Variants in RPTOR observed in about 807,000 individuals in gnomAD.
The protein encoded by RPTOR is regulatory-associated protein of mTOR.
RPTOR carries 21 observed loss-of-function variants against 169.9 expected under a neutral mutation model. The observed-to-expected ratio is 0.12, with a 90% CI of 0.09 to 0.18. The LOEUF is 0.18. Among genes scored for constraint, RPTOR ranks in the 10% least tolerant of loss-of-function variants. The probability of loss-of-function intolerance (pLI) is 1.00; values close to 1 mark genes in which losing one functional copy is unlikely to be tolerated. For synonymous variants in RPTOR, 732 were observed against 753.2 expected, an observed-to-expected ratio of 0.97 and a Z score of 0.46; for missense variants, 1,133 against 1,855.9, an observed-to-expected ratio of 0.61 and a Z score of 7.16.
At chr17:80,812,375 C>T (rs376470558) in intron 7 of RPTOR, among the ~76,000 whole-genome samples, 9 of 151,610 alleles carry the variant, frequency 5.9e-5, no homozygotes, top group East Asian at 1.9e-4. Context: ...AAATTGAAAA[C>T]GGAAATTGTA....
rs539512661 is a variant in RPTOR, at chr17:80,820,479, T to C, written c.891-1722T>C. 1.3e-5 allele frequency among the ~76,000 whole-genome samples: 2 copies of C among 152,270 alleles called. No homozygotes were observed. Among genetic ancestry groups the C allele is most frequent in the South Asian group, 2.1e-4 (1 of 4,822 alleles). On this transcript the variant is annotated intron_variant, in intron 7 of 33. Transcript: ENST00000306801. This position sits in a 1 kb window ranked among gnomAD's most constrained non-coding sequence, Gnocchi z 4.1. ...CGCTTGAGGGCTGAGATGAGCAACC[T>C]GGTAAAATGAGTTCCTGGATTGTTT... is the stretch of plus-strand genomic sequence containing the variant.
Position 80,730,764 on chromosome 17 carries a change from T to TTGGGGGGGGGGGG in RPTOR, c.654+58_654+59insTGGGGGGGGGGGG. 2.2e-6 allele frequency: 1 copy of TTGGGGGGGGGGGG among 453,324 alleles called. No homozygotes were observed. The highest frequency in any genetic ancestry group is 4.1e-6 in the Non-Finnish European group (1 of 242,124). 28.1% of individuals were successfully genotyped at this position (453,324 alleles called of 1,614,324 possible). On this transcript the variant is annotated intron_variant, in intron 5 of 33. Transcript: ENST00000306801. The surrounding 1 kb of genome is among the most constrained non-coding windows in gnomAD (Gnocchi z 4.2). Reference sequence around the variant, plus strand: ...GGTTTGGTTTTGTTTTCCCTGGGGGTGGGGTTTGGGTGGGGAGGTTGGGAG... The same window carrying TTGGGGGGGGGGGG: ...GGTTTGGTTTTGTTTTCCCTGGGGGTTGGGGGGGGGGGGGGGGTTTGGGTGGGGAGGTTGGGAG...
intron 28 of RPTOR, among the ~76,000 whole-genome samples, chr17:80,952,455 G>A (rs1383118263): frequency 1.3e-5 from 2 of 152,184 alleles, no homozygotes; most frequent in South Asian, 4.1e-4. Context: ...TTCTGCTGCA[G>A]GGAGCCTGCA....
intron 5 of RPTOR, among the ~76,000 whole-genome samples, chr17:80,748,708 G>A (rs1297042985): frequency 3.7e-5 from 3 of 80,910 alleles, no homozygotes; most frequent in African/African-American, 5.7e-5. Context: ...GGGAGGACCT[G>A]TTGGGTGGAT....
At chr17:80,728,214 T>A (rs1163760589) in intron 4 of RPTOR, among the ~76,000 whole-genome samples, 1 of 152,170 alleles carries the variant, frequency 6.6e-6, no homozygotes, top group East Asian at 1.9e-4. Context: ...GCAGCAGAAG[T>A]TTATATAGAC....
rs199783187 is a variant in RPTOR, at chr17:80,737,441, C to G, written c.654+6735C>G. ...CACCACCAGCCTGAGTGCTTTCCGG[C>G]AGGGGGGCGGTGGTGGAGGATCATT... On this transcript the variant is annotated intron_variant, in intron 5 of 33. Transcript: ENST00000306801. 1.4e-3 allele frequency among the ~76,000 whole-genome samples: 210 copies of G among 152,260 alleles called. 2 individuals are homozygous for G. The highest frequency in any genetic ancestry group is 6.4e-3 in the East Asian group (33 of 5,180).
chr17:80,800,427 G>A (rs995445269), intron 7 of RPTOR, among the ~76,000 whole-genome samples: 8 of 152,166 alleles, frequency 5.3e-5, no homozygotes, highest in Non-Finnish European at 8.8e-5. Context: ...GGCAAAACAC[G>A]TTGTTTAGCA....
intron 6 of RPTOR, among the ~76,000 whole-genome samples, chr17:80,777,810 G>C (rs1196977515): frequency 2.0e-5 from 3 of 152,152 alleles, no homozygotes; most frequent in African/African-American, 7.2e-5. Context: ...AGCATAGCTT[G>C]GACTTTTGGA....
intron 12 of RPTOR, among the ~76,000 whole-genome samples, chr17:80,856,625 C>G (rs2067855240): frequency 6.6e-6 from 1 of 152,190 alleles, no homozygotes; most frequent in East Asian, 1.9e-4. Context: ...GAGTCAGGGC[C>G]TGAGTCATCG....
At chr17:80,927,839 TCTC>T (rs1167208166) in intron 24 of RPTOR, among the ~76,000 whole-genome samples, 2 of 151,850 alleles carry the variant, frequency 1.3e-5, no homozygotes, top group African/African-American at 4.8e-5. Flanking sequence ...CCTGCCCTCA[TCTC>T]CTCCATTTGC....
intron 2 of RPTOR, among the ~76,000 whole-genome samples, chr17:80,630,781 G>C (rs754887683): frequency 2.6e-5 from 4 of 152,236 alleles, no homozygotes; most frequent in African/African-American, 4.8e-5. Context: ...GGTTTTCCCA[G>C]GGCTCCTGCT....
intron 3 of RPTOR, among the ~76,000 whole-genome samples, chr17:80,687,714 G>A (rs935594222): frequency 1.3e-5 from 2 of 152,210 alleles, no homozygotes; most frequent in African/African-American, 4.8e-5. Context: ...GGGCAGCACC[G>A]TGGGTGTTGA....
intron 4 of RPTOR, among the ~76,000 whole-genome samples, chr17:80,716,260 C>T (rs1170215784): frequency 1.3e-5 from 2 of 152,178 alleles, no homozygotes; most frequent in East Asian, 3.8e-4. Context: ...TATGGCCATT[C>T]TTGCAGAGGT....
chr17:80,676,447 A>C (rs186764184), intron 3 of RPTOR, among the ~76,000 whole-genome samples: 76 of 152,252 alleles, frequency 5.0e-4, no homozygotes, highest in Non-Finnish European at 8.4e-4. Flanking sequence ...AGCACCAGGC[A>C]TCAGGGCCCC....
intron 6 of RPTOR, among the ~76,000 whole-genome samples, chr17:80,758,443 G>A (rs1334969326): frequency 6.6e-6 from 1 of 152,200 alleles, no homozygotes; most frequent in African/African-American, 2.4e-5. Flanking sequence ...TGGCACAAGA[G>A]AGCCCCTGAA....
intron 6 of RPTOR, among the ~76,000 whole-genome samples, chr17:80,765,127 ATACAGGCAGCCC>A (rs141709668): frequency 0.01 from 1,560 of 152,352 alleles, 22 homozygotes; most frequent in Non-Finnish European, 0.014. Context: ...AATCTGAAAG[ATACAGGCAGCCC>A]TACGCTGTCC....
At chr17:80,611,984 T>C (rs2065275011) in intron 1 of RPTOR, among the ~76,000 whole-genome samples, 1 of 152,166 alleles carries the variant, frequency 6.6e-6, no homozygotes, top group Non-Finnish European at 1.5e-5. Flanking sequence ...AAGTTCAATC[T>C]AGAGGTTTGA....
At position 80,960,315 on chromosome 17, in the gene RPTOR, A is replaced by T. The variant is rs1016207786; in HGVS notation, c.3605+110A>T. 6.9e-7 allele frequency: 1 copy of T among 1,441,836 alleles called. No homozygotes were observed. Among genetic ancestry groups the T allele is most frequent in the African/African-American group, 1.4e-5 (1 of 71,334 alleles). The allele number at this position is 1,441,836 out of a possible 1,614,324, so 89.3% of individuals were successfully genotyped here. On this transcript the variant is annotated intron_variant, in intron 30 of 33. Coordinates refer to ENST00000306801, the MANE Select transcript of RPTOR (RefSeq NM_020761.3). This position sits in a 1 kb window ranked among gnomAD's most constrained non-coding sequence, Gnocchi z 4.8. ...GTCCAGGTTTCTCAGTGAGATGCAA[A>T]GCTTCCCCAGGAGCCTGCAGTGGCG...
intron 3 of RPTOR, among the ~76,000 whole-genome samples, chr17:80,667,083 C>T (rs563004934): frequency 3.9e-5 from 6 of 152,278 alleles, no homozygotes; most frequent in African/African-American, 7.2e-5. Context: ...AAGGCGTTCC[C>T]GTCTCCACGT....
Sources: gnomAD v4.1 joint callset for allele counts (sites outside exome capture counted in the v4.1 genomes callset) on GRCh38, gnomAD v4.1.1 for gene constraint, Gnocchi (gnomAD v3.1) non-coding constraint, MANE v1.5 for transcripts, NCBI Gene and HGNC (gene_info 2026-07-23, HGNC 2026-07-21) for gene names.